Variants in CTNNA2 observed in about 807,000 individuals in gnomAD.
The protein encoded by CTNNA2 is catenin alpha-2.
CTNNA2 carries 42 observed loss-of-function variants against 101.0 expected under a neutral mutation model. The ratio of observed to expected loss-of-function variants is 0.42; its 90% CI spans 0.32 to 0.54. The LOEUF is 0.54. Among genes scored for constraint, CTNNA2 ranks in the 20% least tolerant of loss-of-function variants. CTNNA2 has a pLI of 0.14. For missense variants in CTNNA2, 871 were observed against 1,223.1 expected (o/e 0.71, Z 4.29); for synonymous variants, 450 against 456.4 (o/e 0.99, Z 0.18).
At chr2:79,290,887 A>T (rs1675786731) in intron 2 of CTNNA2, among the ~76,000 whole-genome samples, 1 of 152,218 alleles carries the variant, frequency 6.6e-6, no homozygotes, top group South Asian at 2.1e-4. Context: ...TGTCCTTGTG[A>T]TAAGGCAGGG....
intron 3 of CTNNA2, among the ~76,000 whole-genome samples, chr2:79,320,395 C>T (rs950668757): frequency 5.3e-5 from 8 of 151,650 alleles, no homozygotes; most frequent in African/African-American, 1.9e-4. Flanking sequence ...TACCAAATGC[C>T]CCTTGGAGGG....
At chr2:79,613,157 G>T (rs1396798518) in intron 1 of CTNNA2, among the ~76,000 whole-genome samples, 1 of 98,748 alleles carries the variant, frequency 1.0e-5, no homozygotes, top group East Asian at 2.6e-4. Flanking sequence ...AGTGTTTAAC[G>T]TTCAGAGCAA....
At chr2:80,061,558 G>A (rs530537286) in intron 7 of CTNNA2, among the ~76,000 whole-genome samples, 2 of 152,078 alleles carry the variant, frequency 1.3e-5, no homozygotes. Context: ...ACCATCAGGG[G>A]ACAAATGAAA....
chr2:79,405,841 T>C (rs1678335413), intron 4 of CTNNA2, among the ~76,000 whole-genome samples: 1 of 152,120 alleles, frequency 6.6e-6, no homozygotes. Context: ...AGTGTTGTTT[T>C]ATGCTGCTAA....
At chr2:80,589,567 C>T (rs1696257439) in intron 15 of CTNNA2, 82 bp downstream of exon 15, 5 of 1,362,400 alleles carry the variant, frequency 3.7e-6, no homozygotes, top group Non-Finnish European at 5.0e-6. Context: ...TGAAAGCCTG[C>T]TGAAAAATTA....
chr2:80,518,197 A>C (rs1573106146), intron 9 of CTNNA2, among the ~76,000 whole-genome samples: 1 of 152,392 alleles, frequency 6.6e-6, no homozygotes, highest in Admixed American at 6.5e-5. Flanking sequence ...TCAGTTAAGT[A>C]AATGATGAAA....
intron 3 of CTNNA2, among the ~76,000 whole-genome samples, chr2:79,765,067 A>G (rs1470390781): frequency 2.0e-5 from 3 of 152,190 alleles, no homozygotes; most frequent in African/African-American, 7.2e-5. Flanking sequence ...GCAATGGGAG[A>G]AGGGCATCAT....
chr2:79,991,609 A>ATTTTT (rs2103899085), intron 7 of CTNNA2, among the ~76,000 whole-genome samples: 1 of 152,282 alleles, frequency 6.6e-6, no homozygotes, highest in East Asian at 1.9e-4. Flanking sequence ...CAAACTATAA[A>ATTTTT]TGTGTTTGTG....
At chr2:79,507,951 A>G (rs1164566257) in intron 5 of CTNNA2, among the ~76,000 whole-genome samples, 1 of 152,226 alleles carries the variant, frequency 6.6e-6, no homozygotes, top group Non-Finnish European at 1.5e-5. Flanking sequence ...TCACTCTTCA[A>G]ATAACTTCAC....
intron 7 of CTNNA2, among the ~76,000 whole-genome samples, chr2:80,323,080 T>G (rs1375506198): frequency 6.6e-6 from 1 of 152,214 alleles, no homozygotes; most frequent in African/African-American, 2.4e-5. Context: ...GCCCTGTCTC[T>G]GAGGAGTGAC....
intron 2 of CTNNA2, among the ~76,000 whole-genome samples, chr2:79,718,023 CA>C (rs1686222646): frequency 6.6e-6 from 1 of 152,118 alleles, no homozygotes; most frequent in South Asian, 2.1e-4. Context: ...TCTTGAAGAC[CA>C]TATGGCTTTA....
chr2:80,646,329 T>C (rs1674083451), intron 18 of CTNNA2, among the ~76,000 whole-genome samples: 1 of 152,148 alleles, frequency 6.6e-6, no homozygotes, highest in African/African-American at 2.4e-5. Flanking sequence ...TTCAGTTAAC[T>C]GTAATTGATA....
intron 9 of CTNNA2, among the ~76,000 whole-genome samples, chr2:80,427,571 G>A (rs1313816407): frequency 1.3e-5 from 2 of 152,130 alleles, no homozygotes; most frequent in African/African-American, 4.8e-5. Flanking sequence ...AGTTAGACAA[G>A]GGAATCTCAA....
chr2:79,315,185 A>T (rs923220076), intron 3 of CTNNA2, among the ~76,000 whole-genome samples: 1 of 152,086 alleles, frequency 6.6e-6, no homozygotes, highest in African/African-American at 2.4e-5. Flanking sequence ...TGGCCCCACC[A>T]TTCTTATAGT....
At chr2:80,180,258 C>G (rs1416760522) in intron 7 of CTNNA2, among the ~76,000 whole-genome samples, 2 of 152,170 alleles carry the variant, frequency 1.3e-5, no homozygotes, top group African/African-American at 4.8e-5. Context: ...GGTTTGTAAA[C>G]TGGTTCAAGT....
intron 7 of CTNNA2, among the ~76,000 whole-genome samples, chr2:80,060,408 G>C (rs934254095): frequency 1.3e-5 from 2 of 152,198 alleles, no homozygotes; most frequent in Non-Finnish European, 2.9e-5. Flanking sequence ...AGAACCAAAA[G>C]ATAATGGCAT....
chr2:80,281,743 T>C (rs1674399970), intron 7 of CTNNA2, among the ~76,000 whole-genome samples: 1 of 152,098 alleles, frequency 6.6e-6, no homozygotes, highest in African/African-American at 2.4e-5. Context: ...GTTTAAAAAT[T>C]ACTATTAATG....
intron 14 of CTNNA2, among the ~76,000 whole-genome samples, chr2:80,587,105 G>A (rs1017346485): frequency 6.6e-6 from 1 of 152,054 alleles, no homozygotes; most frequent in South Asian, 2.1e-4. Flanking sequence ...AGTTCAGGTG[G>A]GTTTGAATCC....
At chr2:79,623,669 A>G (rs1679130172) in intron 1 of CTNNA2, among the ~76,000 whole-genome samples, 1 of 152,192 alleles carries the variant, frequency 6.6e-6, no homozygotes, top group Admixed American at 6.6e-5. Context: ...AATCTCAAGT[A>G]ATTGATGTCC....
Sources: gnomAD v4.1 joint callset for allele counts (sites outside exome capture counted in the v4.1 genomes callset) on GRCh38, gnomAD v4.1.1 for gene constraint, MANE v1.5 for transcripts, NCBI Gene and HGNC (gene_info 2026-07-23, HGNC 2026-07-21) for gene names.